The following GALNT10 variants were observed in gnomAD, a reference collection of about 807,000 sequenced individuals.
GALNT10 encodes the protein GalNAc transferase 10.
A neutral mutation model predicts 75.0 loss-of-function variants in GALNT10; 41 were observed. The ratio of observed to expected loss-of-function variants is 0.55; its 90% CI spans 0.43 to 0.71. The LOEUF (loss-of-function observed/expected upper bound fraction) is 0.71, where lower values mean the gene tolerates loss of function less well. GALNT10 is among the 30% of genes least tolerant of loss of function. The probability of loss-of-function intolerance (pLI) is 0.00; values close to 1 mark genes in which losing one functional copy is unlikely to be tolerated. For synonymous variants in GALNT10, 302 were observed against 313.0 expected, an observed-to-expected ratio of 0.96 and a Z score of 0.37; for missense variants, 727 against 818.5, an observed-to-expected ratio of 0.89 and a Z score of 1.36.
intron 1 of GALNT10, among the ~76,000 whole-genome samples, chr5:154,245,808 CTTTT>C (rs3048584): frequency 3.4e-4 from 48 of 141,146 alleles, no homozygotes; most frequent in Admixed American, 6.3e-4. Flanking sequence ...ATCTTAAGCG[CTTTT>C]TTTTTTTTTT....
chr5:154,259,872 A>C (rs890821704), intron 1 of GALNT10, among the ~76,000 whole-genome samples: 4 of 152,206 alleles, frequency 2.6e-5, no homozygotes, highest in Non-Finnish European at 5.9e-5. Flanking sequence ...CAATCAGCAA[A>C]CATGTATTTA....
At chr5:154,347,709 C>T (rs994259881) in intron 4 of GALNT10, among the ~76,000 whole-genome samples, 1 of 152,204 alleles carries the variant, frequency 6.6e-6, no homozygotes, top group Non-Finnish European at 1.5e-5. Flanking sequence ...ATTTATTTCT[C>T]ATAGAACCAT....
chr5:154,350,103 G>A (rs922145841), intron 4 of GALNT10, among the ~76,000 whole-genome samples: 4 of 152,316 alleles, frequency 2.6e-5, no homozygotes, highest in South Asian at 4.1e-4. Context: ...ACATGACACA[G>A]CCGTGAACAT....
intron 1 of GALNT10, among the ~76,000 whole-genome samples, chr5:154,233,233 G>A (rs1373000875): frequency 6.6e-6 from 1 of 152,188 alleles, no homozygotes; most frequent in African/African-American, 2.4e-5. Context: ...CTGCTTGGCT[G>A]TTGGTAATGG....
At position 154,191,086 on chromosome 5, in the gene GALNT10, T is replaced by C. The variant is rs1022679667; in HGVS notation, c.159+61T>C. On this transcript the variant is annotated intron_variant, in intron 1 of 11. Coordinates refer to ENST00000297107, the MANE Select transcript of GALNT10 (RefSeq NM_198321.4). ...CCTTCCCGAATTCACTTTTAGCCTG[T>C]GGTTCCTTCCTCCACCTTCTGCTGT... is the stretch of plus-strand genomic sequence containing the variant. 6.0e-6 allele frequency: 7 copies of C among 1,174,000 alleles called. No homozygotes were observed. In the African/African-American group the frequency reaches 1.1e-4, roughly 19 times the overall value. 72.7% of individuals were successfully genotyped at this position (1,174,000 alleles called of 1,614,324 possible). A position where few individuals can be genotyped will look rare whatever the true frequency, so the allele number is the denominator to read the frequency against.
chr5:154,206,469 G>A (rs992096438), intron 1 of GALNT10, among the ~76,000 whole-genome samples: 9 of 152,198 alleles, frequency 5.9e-5, no homozygotes, highest in Non-Finnish European at 1.3e-4. Flanking sequence ...ACAAGTTCAC[G>A]GGGATGCAGT....
At chr5:154,406,568 G>A (rs909737283) in intron 8 of GALNT10, among the ~76,000 whole-genome samples, 13 of 152,172 alleles carry the variant, frequency 8.5e-5, no homozygotes, top group African/African-American at 1.9e-4. Context: ...AGGCCAAGGC[G>A]GGCGGATCAC....
intron 2 of GALNT10, among the ~76,000 whole-genome samples, chr5:154,297,123 T>C (rs1236143538): frequency 6.6e-6 from 1 of 152,204 alleles, no homozygotes; most frequent in Non-Finnish European, 1.5e-5. Flanking sequence ...CAGGGGTCGA[T>C]GTGGACATTC....
At position 154,392,356 on chromosome 5, in the gene GALNT10, G is replaced by A. The variant is rs1200672324; in HGVS notation, c.1056+5926G>A. ...TCTCTGGCCCACATCAGTGTTTTCA[G>A]TAAGTGTTAGTGTGTTAGTGGCATC... On this transcript the variant is annotated intron_variant, in intron 7 of 11. Coordinates refer to ENST00000297107, the MANE Select transcript of GALNT10 (RefSeq NM_198321.4). 2.6e-5 allele frequency: 4 copies of A among 152,174 alleles called. No homozygotes were observed. The East Asian group carries it at 7.7e-4, about 29-fold the overall frequency. The allele number at this position is 152,174 out of a possible 1,614,324, so 9.4% of individuals were successfully genotyped here. A position where few individuals can be genotyped will look rare whatever the true frequency, so the allele number is the denominator to read the frequency against.
chr5:154,413,743 G>C (rs1302173880), intron 10 of GALNT10, among the ~76,000 whole-genome samples: 1 of 152,224 alleles, frequency 6.6e-6, no homozygotes, highest in Non-Finnish European at 1.5e-5. Context: ...ATGCACTGCA[G>C]CCTGGGTGGA....
Position 154,416,918 on chromosome 5 carries a change from GT to G in GALNT10, c.1759del (p.Trp587GlyfsTer59), listed in dbSNP as rs1252098281. 1.2e-6 allele frequency: 2 copies of G among 1,614,014 alleles called. No homozygotes were observed. The highest frequency in any genetic ancestry group is 2.7e-5 in the African/African-American group (2 of 74,932). On this transcript the variant is annotated frameshift_variant, in exon 12 of 12. Coordinates refer to ENST00000297107, the MANE Select transcript of GALNT10 (RefSeq NM_198321.4). LOFTEE classifies it high-confidence loss of function. The surrounding 1 kb of genome is among the most constrained non-coding windows in gnomAD (Gnocchi z 4.5). ...TCNPSSLTQQ[W>X]LFEHTNSTVL... ...GCAACCCATCCTCTCTCACCCAGCAGTGGCTGTTTGAACACACCAACTCAAC... is the reference window on the plus strand; with the variant it reads ...GCAACCCATCCTCTCTCACCCAGCAGGGCTGTTTGAACACACCAACTCAAC...
intron 4 of GALNT10, chr5:154,337,649 G>A (rs1754965235): frequency 2.0e-6 from 2 of 989,640 alleles, no homozygotes; most frequent in Non-Finnish European, 3.2e-6. Context: ...CAAAATCATT[G>A]TAGCTTCCAT....
chr5:154,332,792 C>T (rs1754887045), intron 4 of GALNT10, among the ~76,000 whole-genome samples: 1 of 152,192 alleles, frequency 6.6e-6, no homozygotes, highest in African/African-American at 2.4e-5. Context: ...TGCTGGCCCG[C>T]ATCTGTGTTT....
chr5:154,379,449 G>C (rs1755702137), intron 5 of GALNT10, among the ~76,000 whole-genome samples: 1 of 152,240 alleles, frequency 6.6e-6, no homozygotes, highest in South Asian at 2.1e-4. Context: ...GCCCCAGGCA[G>C]CTGCTGGCTG....
chr5:154,254,851 T>A (rs1753583203), intron 1 of GALNT10, among the ~76,000 whole-genome samples: 1 of 152,176 alleles, frequency 6.6e-6, no homozygotes, highest in Admixed American at 6.5e-5. Context: ...CAGGGGCAGG[T>A]AATTTAGCAG....
intron 1 of GALNT10, among the ~76,000 whole-genome samples, chr5:154,253,002 G>GTTTTT (rs373849888): frequency 1.6e-4 from 14 of 89,834 alleles, no homozygotes; most frequent in Middle Eastern, 8.1e-3. Context: ...TTTTTTAGTG[G>GTTTTT]TTTTTTTTTT....
intron 1 of GALNT10, among the ~76,000 whole-genome samples, chr5:154,282,116 G>C (rs550675517): frequency 1.3e-5 from 2 of 152,224 alleles, no homozygotes; most frequent in Non-Finnish European, 2.9e-5. Flanking sequence ...TTCTTGCTGC[G>C]ATATAAGGTG....
At chr5:154,285,846 C>G (rs142608915) in intron 1 of GALNT10, among the ~76,000 whole-genome samples, 44 of 152,250 alleles carry the variant, frequency 2.9e-4, no homozygotes, top group African/African-American at 1.1e-3. Flanking sequence ...CCCTGTCCAC[C>G]TCTCATTCCT....
At position 154,409,227 on chromosome 5, in the gene GALNT10, C is replaced by T. The variant is rs945657435; in HGVS notation, c.1165-314C>T. Among the ~76,000 whole-genome samples, 9 of 152,266 alleles carry T rather than the reference C, an allele frequency of 5.9e-5. No homozygotes were observed. The highest frequency in any genetic ancestry group is 2.2e-4 in the African/African-American group (9 of 41,548). ...GCTGGGTCCATGCCTTTCCTCCTGC[C>T]ACATGAGCTGACAGGGAGACAGGGT... On this transcript the variant is annotated intron_variant, in intron 8 of 11. Coordinates refer to ENST00000297107, the MANE Select transcript of GALNT10 (RefSeq NM_198321.4). This position sits in a 1 kb window ranked among gnomAD's most constrained non-coding sequence, Gnocchi z 4.5.
Sources: allele counts gnomAD v4.1 joint callset (sites outside exome capture counted in the v4.1 genomes callset), GRCh38; gene constraint gnomAD v4.1.1; non-coding constraint Gnocchi (gnomAD v3.1); transcripts MANE v1.5; gene names NCBI Gene and HGNC (gene_info 2026-07-23, HGNC 2026-07-21).